RTL1: variants seen among roughly 807,000 people sequenced by gnomAD.
RTL1 encodes the protein retrotransposon Gag like 1.
For missense variants in RTL1, 1,681 were observed against 1,767.5 expected (o/e 0.95, Z 0.88); for synonymous variants, 727 against 748.4 (o/e 0.97, Z 0.47).
Position 100,882,030 on chromosome 14 carries a change from G to A in RTL1, c.2759C>T (p.Ala920Val), listed in dbSNP as rs187380673. The A allele has an allele frequency of 3.7e-6, 6 of 1,613,388 alleles. No individual in the cohort carries two copies. The Admixed American group carries it at 5.0e-5, about 13-fold the overall frequency. ...CCGTATTGGAAGAATCTTCATCTCC[G>A]CTTGAGAGTACTCAACCTCGATAGG... ...ISPIEVEYSQ[A>V]EMKILPIRAA... Residue 920 changes from alanine (A) to valine (V), a missense_variant, in exon 4 of 4, where the codon GCG (alanine) becomes GTG (valine). Coordinates refer to ENST00000649591, the MANE Select transcript of RTL1 (RefSeq NM_001134888.3).
chr14:100,885,216 T>G (rs1464274348), intron 3 of RTL1, among the ~76,000 whole-genome samples: 2 of 152,186 alleles, frequency 1.3e-5, no homozygotes, highest in African/African-American at 4.8e-5. Context: ...GCTGCTCCAT[T>G]CCCCCCTGGC....
chr14:100,888,019 T>C (rs990307038), intron 3 of RTL1, among the ~76,000 whole-genome samples: 1 of 152,164 alleles, frequency 6.6e-6, no homozygotes, highest in African/African-American at 2.4e-5. Flanking sequence ...CAAATCCAGA[T>C]ACCTTAACTT....
chr14:100,895,493 G>T (rs1040544690), intron 2 of RTL1, among the ~76,000 whole-genome samples: 1 of 152,170 alleles, frequency 6.6e-6, no homozygotes, highest in African/African-American at 2.4e-5. Context: ...ATGTAGAAAA[G>T]GCACTTATTT....
intron 1 of RTL1, among the ~76,000 whole-genome samples, 54 bp from the exon 2 acceptor site, chr14:100,903,440 G>C (rs893769592): frequency 6.6e-6 from 1 of 152,308 alleles, no homozygotes; most frequent in South Asian, 2.1e-4. Flanking sequence ...GTGATCAAGA[G>C]GGGGTGCAGG....
At position 100,883,099 on chromosome 14, in the gene RTL1, C is replaced by A; in HGVS notation, c.1690G>T (p.Asp564Tyr). The A allele has an allele frequency of 1.2e-6, 2 of 1,613,594 alleles. No homozygotes were observed. Among genetic ancestry groups the A allele is most frequent in the East Asian group, 4.5e-5 (2 of 44,876 alleles). The change falls in exon 4 of 4, where the codon GAC becomes TAC. Residue 564 changes from aspartate to tyrosine, a missense_variant. Asp to Tyr is a radical substitution (Grantham distance 160). Coordinates refer to ENST00000649591, the MANE Select transcript of RTL1 (RefSeq NM_001134888.3). The surrounding 1 kb of genome is among the most constrained non-coding windows in gnomAD (Gnocchi z 5.9). ...TCTGCTTCCTTCGGGTTAAACACGT[C>A]GGCCAGGTCTGAGTATGGGTGTGGC... Reference protein sequence around the residue: ...GLPHPYSDLADVFNPKEADDE... With the variant: ...GLPHPYSDLAYVFNPKEADDE...
chr14:100,889,434 A>T lies in RTL1; in HGVS notation c.-87+4010T>A, dbSNP rs541518448. Reference sequence around the variant, plus strand: ...AAAGCTGAAGTTCTTTTCGCATGAAACTAGAACTTTTCACCACCTACAGTT... The same window carrying T: ...AAAGCTGAAGTTCTTTTCGCATGAATCTAGAACTTTTCACCACCTACAGTT... On this transcript the variant is annotated intron_variant, in intron 3 of 3. Transcript: ENST00000649591. Among the ~76,000 whole-genome samples, 6 of 152,316 alleles carry T rather than the reference A, an allele frequency of 3.9e-5. 1 individual carries two copies. The South Asian group carries it at 1.2e-3, about 32-fold the overall frequency.
In RTL1 at chr14:100,884,455, C is replaced by A; in HGVS notation, c.334G>T (p.Asp112Tyr). 1 of 1,614,076 alleles carries A rather than the reference C, an allele frequency of 6.2e-7. No homozygotes were observed. The highest frequency in any genetic ancestry group is 8.5e-7 in the Non-Finnish European group (1 of 1,179,994). ...CTATCAGATGCTCCACTGAGTGGAT[C>A]CCCCCTTGCCTGGTGTGAACCGTTG... ...SCNGSHQARG[D>Y]PLSGASDRMK... Residue 112 changes from aspartate to tyrosine, a missense_variant, in exon 4 of 4, where the codon GAT becomes TAT. Coordinates refer to ENST00000649591, the MANE Select transcript of RTL1 (RefSeq NM_001134888.3).
Position 100,883,096 on chromosome 14 carries a change from C to A in RTL1, c.1693G>T (p.Val565Leu). Reference sequence around the variant, plus strand: ...TCATCTGCTTCCTTCGGGTTAAACACGTCGGCCAGGTCTGAGTATGGGTGT... The same window carrying A: ...TCATCTGCTTCCTTCGGGTTAAACAAGTCGGCCAGGTCTGAGTATGGGTGT... Reference protein sequence around the residue: ...LPHPYSDLADVFNPKEADDET... With the variant: ...LPHPYSDLADLFNPKEADDET... Residue 565 changes from valine (V) to leucine (L), a missense_variant, in exon 4 of 4, where the codon GTG becomes TTG. Transcript: ENST00000649591. The surrounding 1 kb of genome is among the most constrained non-coding windows in gnomAD (Gnocchi z 5.9). The A allele has an allele frequency of 6.2e-7, 1 of 1,613,680 alleles. No individual in the cohort carries two copies. The highest frequency in any genetic ancestry group is 8.5e-7 in the Non-Finnish European group (1 of 1,179,884).
chr14:100,887,734 A>AGG (rs2038713477), intron 3 of RTL1, among the ~76,000 whole-genome samples: 1 of 147,936 alleles, frequency 6.8e-6, no homozygotes, highest in East Asian at 2.2e-4. Context: ...TGGGCAACAG[A>AGG]GGGAGATTCC....
intron 3 of RTL1, among the ~76,000 whole-genome samples, chr14:100,891,358 A>G (rs2038775414): frequency 6.6e-6 from 1 of 152,218 alleles, no homozygotes; most frequent in Non-Finnish European, 1.5e-5. Flanking sequence ...CTCGGACTTC[A>G]TCGTAGTGAT....
intron 3 of RTL1, among the ~76,000 whole-genome samples, chr14:100,890,127 C>T (rs1418511794): frequency 1.4e-5 from 2 of 147,218 alleles, no homozygotes; most frequent in African/African-American, 4.9e-5. Context: ...GGTTTGGGGT[C>T]ACAACTGCCT....
chr14:100,902,207 G>A (rs1021063376), intron 2 of RTL1, among the ~76,000 whole-genome samples: 9 of 152,104 alleles, frequency 5.9e-5, no homozygotes, highest in Admixed American at 1.3e-4. Flanking sequence ...CTGCCTCCTC[G>A]GCTGTGCAGC....
Position 100,884,303 on chromosome 14 carries a change from T to C in RTL1, c.486A>G (p.Glu162=), listed in dbSNP as rs1187396396. 6.4e-7 allele frequency: 1 copy of C among 1,551,602 alleles called. No homozygotes were observed. The highest frequency in any genetic ancestry group is 2.0e-5 in the Admixed American group (1 of 50,982). Residue 162 remains glutamate (E), a synonymous_variant, in exon 4 of 4, where the codon GAA becomes GAG. Transcript: ENST00000649591. The stretch of plus-strand genomic sequence containing the variant: ...TGATGGACCTCACCATGGCCATAAG[T>C]TCTGCGGTTGAGTGCTCGGTCTGGT... The part of the protein sequence containing the change: ...EQNQTEHSTA[E]LMAMVRSIIS...
At chr14:100,896,669 G>T (rs563418284) in intron 2 of RTL1, among the ~76,000 whole-genome samples, 3 of 152,186 alleles carry the variant, frequency 2.0e-5, no homozygotes, top group East Asian at 3.9e-4. Flanking sequence ...GTGGGCAAAG[G>T]TTGCTTCCCG....
intron 2 of RTL1, among the ~76,000 whole-genome samples, chr14:100,901,822 C>T (rs971100073): frequency 6.6e-6 from 1 of 152,196 alleles, no homozygotes; most frequent in Non-Finnish European, 1.5e-5. Context: ...ATTCTCTGCT[C>T]CTCTCCCTCA....
At chr14:100,885,291 A>G (rs2038682772) in intron 3 of RTL1, among the ~76,000 whole-genome samples, 2 of 152,188 alleles carry the variant, frequency 1.3e-5, no homozygotes, top group East Asian at 3.9e-4. Flanking sequence ...GTCACATCTC[A>G]GCACCATCCA....
intron 2 of RTL1, chr14:100,897,615 G>C (rs1387360177): frequency 1.3e-5 from 2 of 153,180 alleles, no homozygotes; most frequent in East Asian, 3.8e-4. Context: ...CTTCCTTCAA[G>C]AGTCTGCTTA....
Position 100,893,331 on chromosome 14 carries a change from C to T in RTL1, c.-87+113G>A, listed in dbSNP as rs1376238847. ...TGGTTTTTTCTTACAGACGAATGAACACTTTAACCCTTGTCCTGAGTGCCA... is the reference window on the plus strand; with the variant it reads ...TGGTTTTTTCTTACAGACGAATGAATACTTTAACCCTTGTCCTGAGTGCCA... On this transcript the variant is annotated intron_variant, in intron 3 of 3. Coordinates refer to ENST00000649591, the MANE Select transcript of RTL1 (RefSeq NM_001134888.3). This position sits in a 1 kb window ranked among gnomAD's most constrained non-coding sequence, Gnocchi z 4.2. 6.6e-6 allele frequency among the ~76,000 whole-genome samples: 1 copy of T among 152,074 alleles called. No homozygotes were observed. Among genetic ancestry groups the T allele is most frequent in the African/African-American group, 2.4e-5 (1 of 41,402 alleles).
At chr14:100,896,151 C>A (rs1444667278) in intron 2 of RTL1, among the ~76,000 whole-genome samples, 1 of 151,814 alleles carries the variant, frequency 6.6e-6, no homozygotes, top group East Asian at 1.9e-4. Context: ...TCAGTCCAAA[C>A]TAAAATGCTG....
Sources: allele counts gnomAD v4.1 joint callset (sites outside exome capture counted in the v4.1 genomes callset), GRCh38; gene constraint gnomAD v4.1.1; non-coding constraint Gnocchi (gnomAD v3.1); transcripts MANE v1.5; gene names NCBI Gene and HGNC (gene_info 2026-07-23, HGNC 2026-07-21).